The following MDGA2 variants were observed in gnomAD, a reference collection of about 807,000 sequenced individuals.
MDGA2 encodes the protein MAM domain containing glycosylphosphatidylinositol anchor 2.
Under a neutral mutation model 117.8 loss-of-function variants are expected in MDGA2, and 40 were observed. The observed-to-expected ratio is 0.34, with a 90% CI of 0.26 to 0.44. MDGA2 has a LOEUF of 0.44. Ranked by LOEUF, MDGA2 falls within the 20% of genes least tolerant of loss-of-function variation. The pLI, the probability that MDGA2 is intolerant of heterozygous loss-of-function variation, is 1.00. For synonymous variants in MDGA2, 452 were observed against 439.0 expected (o/e 1.03, Z -0.37); for missense variants, 1,123 against 1,250.6 (o/e 0.90, Z 1.54).
intron 3 of MDGA2, among the ~76,000 whole-genome samples, chr14:47,153,661 G>A (rs1883249058): frequency 6.7e-6 from 1 of 149,324 alleles, no homozygotes; most frequent in African/African-American, 2.5e-5. Context: ...ACCAGTGAGA[G>A]AGGCCTGGGC....
intron 2 of MDGA2, among the ~76,000 whole-genome samples, chr14:47,266,976 T>C (rs1243564838): frequency 6.6e-6 from 1 of 152,182 alleles, no homozygotes; most frequent in African/African-American, 2.4e-5. Context: ...TATGTCTGTC[T>C]TATTTTTGTC....
At chr14:47,320,525 G>T (rs1443953205) in intron 1 of MDGA2, among the ~76,000 whole-genome samples, 1 of 151,948 alleles carries the variant, frequency 6.6e-6, no homozygotes, top group East Asian at 1.9e-4. Context: ...CTTCCTTCAT[G>T]CTCCCTTCCA....
chr14:46,871,936 C>T, intron 14 of MDGA2: 2 of 370,610 alleles, frequency 5.4e-6, no homozygotes, highest in Non-Finnish European at 1.1e-5. Context: ...TTCCTTGAGA[C>T]CAGCCTGGGC....
intron 1 of MDGA2, among the ~76,000 whole-genome samples, chr14:47,323,176 ATATATATATATATATATGG>A (rs1351525161): frequency 1.8e-5 from 1 of 54,606 alleles, no homozygotes; most frequent in Non-Finnish European, 4.4e-5. Flanking sequence ...ATATATATAT[ATATATATATATATATATGG>A]TATATAGTTA....
chr14:47,308,318 T>C (rs1298117400), intron 1 of MDGA2, among the ~76,000 whole-genome samples: 1 of 152,148 alleles, frequency 6.6e-6, no homozygotes, highest in Admixed American at 6.5e-5. Context: ...ACCAGCATTT[T>C]AGGACTGCAA....
At chr14:47,552,712 C>T (rs980388284) in intron 1 of MDGA2, among the ~76,000 whole-genome samples, 2 of 152,212 alleles carry the variant, frequency 1.3e-5, no homozygotes, top group Admixed American at 1.3e-4. Context: ...TTGGTAAAAA[C>T]CCACCAATGG....
intron 6 of MDGA2, among the ~76,000 whole-genome samples, chr14:47,080,441 A>G (rs1890666995): frequency 6.6e-6 from 1 of 152,202 alleles, no homozygotes; most frequent in South Asian, 2.1e-4. Flanking sequence ...TATATGAGTT[A>G]GTTTTAAATT....
At chr14:47,172,267 C>T (rs1213590596) in intron 3 of MDGA2, among the ~76,000 whole-genome samples, 5 of 152,250 alleles carry the variant, frequency 3.3e-5, no homozygotes, top group East Asian at 1.9e-4. Flanking sequence ...ACTTAACTGT[C>T]CCTGTCCGAC....
At chr14:47,181,007 T>C (rs1457428438) in intron 3 of MDGA2, among the ~76,000 whole-genome samples, 12 of 152,100 alleles carry the variant, frequency 7.9e-5, no homozygotes, top group Admixed American at 7.9e-4. Flanking sequence ...ATTTATATAC[T>C]TGGTAGTAGT....
intron 1 of MDGA2, among the ~76,000 whole-genome samples, chr14:47,504,263 C>A (rs185346628): frequency 6.6e-6 from 1 of 152,000 alleles, no homozygotes; most frequent in Non-Finnish European, 1.5e-5. Context: ...CTTTGTATGC[C>A]GTTGTTAATT....
intron 1 of MDGA2, among the ~76,000 whole-genome samples, chr14:47,670,062 G>C (rs1277144366): frequency 6.6e-6 from 1 of 152,030 alleles, no homozygotes; most frequent in African/African-American, 2.4e-5. Context: ...TTTCACCAAG[G>C]CCATTTCTGT....
At chr14:47,222,950 C>T (rs892110716) in intron 2 of MDGA2, among the ~76,000 whole-genome samples, 2 of 152,148 alleles carry the variant, frequency 1.3e-5, no homozygotes, top group African/African-American at 4.8e-5. Flanking sequence ...TAAAGACATA[C>T]CTGAGACTGG....
At chr14:47,420,085 T>C (rs951262168) in intron 1 of MDGA2, among the ~76,000 whole-genome samples, 1 of 152,122 alleles carries the variant, frequency 6.6e-6, no homozygotes, top group Non-Finnish European at 1.5e-5. Context: ...GGAAGGAATA[T>C]GCACAATACA....
chr14:47,382,524 C>A (rs1006055879), intron 1 of MDGA2, among the ~76,000 whole-genome samples: 1 of 152,128 alleles, frequency 6.6e-6, no homozygotes, highest in Non-Finnish European at 1.5e-5. Context: ...ATCAAACAAA[C>A]CCATCAAAAA....
intron 1 of MDGA2, among the ~76,000 whole-genome samples, chr14:47,394,416 A>G (rs563278249): frequency 2.6e-5 from 4 of 152,298 alleles, no homozygotes; most frequent in African/African-American, 9.6e-5. Context: ...TTTACCATTA[A>G]GAAACCATCT....
intron 5 of MDGA2, among the ~76,000 whole-genome samples, chr14:47,111,437 T>C (rs112650578): frequency 6.6e-6 from 1 of 152,118 alleles, no homozygotes; most frequent in South Asian, 2.1e-4. Context: ...TAGTATATTA[T>C]GAAAAAATTG....
At chr14:47,049,670 T>C (rs138151119) in intron 7 of MDGA2, among the ~76,000 whole-genome samples, 13 of 152,128 alleles carry the variant, frequency 8.5e-5, no homozygotes, top group South Asian at 2.1e-4. Context: ...TCAAGATTGA[T>C]TGAATTCATG....
intron 1 of MDGA2, among the ~76,000 whole-genome samples, chr14:47,625,261 G>A (rs954721617): frequency 6.6e-6 from 1 of 151,684 alleles, no homozygotes; most frequent in Non-Finnish European, 1.5e-5. Flanking sequence ...TCTGCAGTGA[G>A]AGAAATGATA....
Position 47,636,784 on chromosome 14 carries a change from C to CAAAAAAAAAAAAA in MDGA2, c.280+37720_280+37732dup. Among the ~76,000 whole-genome samples the CAAAAAAAAAAAAA allele has an allele frequency of 4.3e-5, 2 of 46,002 alleles. 1 individual carries two copies. Among genetic ancestry groups the CAAAAAAAAAAAAA allele is most frequent in the Admixed American group, 8.0e-4 (2 of 2,506 alleles). 30.2% of individuals were successfully genotyped at this position (46,002 alleles called of 152,430 possible). On this transcript the variant is annotated intron_variant, in intron 1 of 16. Coordinates refer to ENST00000399232, the MANE Select transcript of MDGA2 (RefSeq NM_001113498.3). ...TGGGCGACAGAGCGAGACTCCGTCT[C>CAAAAAAAAAAAAA]AAAAAAAAAAAAAAAAAAAAAAAAA... is the stretch of plus-strand genomic sequence containing the variant.
Sources: gnomAD v4.1 joint callset for allele counts (sites outside exome capture counted in the v4.1 genomes callset) on GRCh38, gnomAD v4.1.1 for gene constraint, MANE v1.5 for transcripts, NCBI Gene and HGNC (gene_info 2026-07-23, HGNC 2026-07-21) for gene names.